Variants in PHLDB2 observed in about 807,000 individuals in gnomAD.
PHLDB2 encodes pleckstrin homology-like domain family B member 2.
A neutral mutation model predicts 123.6 loss-of-function variants in PHLDB2; 71 were observed. The observed-to-expected ratio is 0.57, with a 90% CI of 0.47 to 0.70. The LOEUF (loss-of-function observed/expected upper bound fraction) is 0.70. Among genes scored for constraint, PHLDB2 ranks in the 30% least tolerant of loss-of-function variants. The probability of loss-of-function intolerance (pLI) is 0.00; values close to 1 mark genes in which losing one functional copy is unlikely to be tolerated. For synonymous variants in PHLDB2, 547 were observed against 541.6 expected (o/e 1.01, Z -0.14); for missense variants, 1,446 against 1,519.5 (o/e 0.95, Z 0.80).
chr3:111,842,581 C>CT (rs902296998), intron 1 of PHLDB2, among the ~76,000 whole-genome samples: 114 of 152,202 alleles, frequency 7.5e-4, no homozygotes, highest in African/African-American at 2.5e-3. Flanking sequence ...TGTGAAGCTT[C>CT]TTTTTTTAAA....
At chr3:111,962,437 A>G (rs1225351231) in intron 13 of PHLDB2, 125 bp downstream of exon 13, 1 of 743,462 alleles carries the variant, frequency 1.3e-6, no homozygotes, top group Non-Finnish European at 2.2e-6. Context: ...AAGGGTCTGT[A>G]ATGCAGAAGA....
At position 111,767,924 on chromosome 3, in the gene PHLDB2, G is replaced by T. The variant is rs368868500; in HGVS notation, c.-49+35221G>T. On this transcript the variant is annotated intron_variant, in intron 1 of 17. Transcript: ENST00000393923. ...CCAAGTTCCTGCTTGGGTTGTATAT[G>T]AATAGGGTTATCTAGAGGAAGCAGG... is the stretch of plus-strand genomic sequence containing the variant. Among the ~76,000 whole-genome samples, 23 of 152,244 alleles carry T rather than the reference G, an allele frequency of 1.5e-4. No homozygotes were observed. The East Asian group carries it at 4.2e-3, about 28-fold the overall frequency.
chr3:111,817,357 GAGA>G (rs1018506234), intron 1 of PHLDB2, among the ~76,000 whole-genome samples: 5 of 152,144 alleles, frequency 3.3e-5, no homozygotes, highest in Non-Finnish European at 7.3e-5. Context: ...TGCACAAGAA[GAGA>G]AGTTTATTTA....
chr3:111,967,975 CAAA>C (rs58918022), intron 15 of PHLDB2, 151 bp downstream of exon 15: 250 of 67,766 alleles, frequency 3.7e-3, no homozygotes, highest in African/African-American at 9.0e-3. Context: ...CATTCCTGTG[CAAA>C]AAAAAAAAAA....
At chr3:111,785,098 G>A (rs2060628437) in intron 1 of PHLDB2, among the ~76,000 whole-genome samples, 1 of 152,102 alleles carries the variant, frequency 6.6e-6, no homozygotes, top group Non-Finnish European at 1.5e-5. Context: ...GTTTTTCCAA[G>A]TATTTGTCTG....
chr3:111,928,179 G>A (rs1314825028), intron 5 of PHLDB2, among the ~76,000 whole-genome samples: 1 of 152,160 alleles, frequency 6.6e-6, no homozygotes, highest in Non-Finnish European at 1.5e-5. Flanking sequence ...GTTTACTTGA[G>A]ACATTTAATT....
At chr3:111,873,385 G>A (rs544900495) in intron 1 of PHLDB2, among the ~76,000 whole-genome samples, 3 of 152,128 alleles carry the variant, frequency 2.0e-5, no homozygotes, top group Non-Finnish European at 4.4e-5. Context: ...AAATAAAGAC[G>A]GGACAGAGCT....
intron 2 of PHLDB2, among the ~76,000 whole-genome samples, chr3:111,847,251 C>A (rs1030830559): frequency 6.6e-6 from 1 of 152,070 alleles, no homozygotes; most frequent in East Asian, 1.9e-4. Context: ...TCGGTAAAGA[C>A]CAATTTATGT....
chr3:111,794,987 T>C (rs1576628225), intron 1 of PHLDB2, among the ~76,000 whole-genome samples: 1 of 152,172 alleles, frequency 6.6e-6, no homozygotes, highest in Non-Finnish European at 1.5e-5. Flanking sequence ...TCCAGGAGCA[T>C]TGTCTCAAAA....
intron 1 of PHLDB2, among the ~76,000 whole-genome samples, chr3:111,745,201 A>G (rs2059662631): frequency 6.6e-6 from 1 of 152,234 alleles, no homozygotes; most frequent in Non-Finnish European, 1.5e-5. Flanking sequence ...GATTACAATT[A>G]TTAGTCATAA....
chr3:111,765,943 T>C (rs2060073177), intron 1 of PHLDB2, among the ~76,000 whole-genome samples: 1 of 152,106 alleles, frequency 6.6e-6, no homozygotes, highest in Admixed American at 6.6e-5. Flanking sequence ...AGAATAGAAA[T>C]CTGAAGTCAA....
At chr3:111,954,307 T>C (rs2070896506) in intron 12 of PHLDB2, among the ~76,000 whole-genome samples, 1 of 152,118 alleles carries the variant, frequency 6.6e-6, no homozygotes, top group Non-Finnish European at 1.5e-5. Context: ...ATTCGATTAA[T>C]AGAAAGAAAA....
chr3:111,777,917 T>TA (rs1305432164), intron 1 of PHLDB2, among the ~76,000 whole-genome samples: 6 of 151,362 alleles, frequency 4.0e-5, no homozygotes, highest in Non-Finnish European at 8.8e-5. Context: ...CCCTCCCTTT[T>TA]TTTTAAGCTA....
chr3:111,893,602 C>T, intron 2 of PHLDB2, among the ~76,000 whole-genome samples: 1 of 151,178 alleles, frequency 6.6e-6, no homozygotes. Context: ...GCTGTGGAGC[C>T]TTTTCTTAAT....
At chr3:111,868,720 A>C (rs775863836) in intron 1 of PHLDB2, among the ~76,000 whole-genome samples, 1 of 152,104 alleles carries the variant, frequency 6.6e-6, no homozygotes, top group Non-Finnish European at 1.5e-5. Context: ...TGTGAGCCTA[A>C]TTGAAGAAAT....
intron 1 of PHLDB2, chr3:111,732,811 T>C (rs1222112635): frequency 6.7e-6 from 6 of 890,510 alleles, no homozygotes; most frequent in Non-Finnish European, 1.0e-5. Flanking sequence ...GGAGATATGG[T>C]AGACCCGGGT....
chr3:111,820,341 T>C (rs949103755), intron 1 of PHLDB2, among the ~76,000 whole-genome samples: 3 of 152,200 alleles, frequency 2.0e-5, no homozygotes, highest in African/African-American at 7.2e-5. Context: ...AAATTGATTT[T>C]AAAAAATACC....
intron 2 of PHLDB2, among the ~76,000 whole-genome samples, chr3:111,895,856 A>T (rs2066816097): frequency 2.4e-5 from 2 of 82,010 alleles, no homozygotes; most frequent in African/African-American, 1.0e-4. Flanking sequence ...CAAAAAAAAA[A>T]AATCTATCTA....
intron 1 of PHLDB2, among the ~76,000 whole-genome samples, chr3:111,805,603 G>T (rs1226630593): frequency 6.7e-6 from 1 of 149,668 alleles, no homozygotes; most frequent in Non-Finnish European, 1.5e-5. Context: ...CAACAACATG[G>T]ATGGGTCTCA....
Sources: allele counts gnomAD v4.1 joint callset (sites outside exome capture counted in the v4.1 genomes callset), GRCh38; gene constraint gnomAD v4.1.1; transcripts MANE v1.5; gene names NCBI Gene and HGNC (gene_info 2026-07-23, HGNC 2026-07-21).